Variants in TONSL observed in about 807,000 individuals in gnomAD.
The protein encoded by TONSL is tonsoku-like protein.
TONSL carries 112 observed loss-of-function variants against 147.1 expected under a neutral mutation model. The observed-to-expected ratio is 0.76, with a 90% CI of 0.65 to 0.89. The LOEUF is 0.89. Among genes scored for constraint, TONSL ranks in the 40% least tolerant of loss-of-function variants. The probability of loss-of-function intolerance (pLI) is 0.00; values close to 1 mark genes in which losing one functional copy is unlikely to be tolerated. For synonymous variants in TONSL, 868 were observed against 801.5 expected (o/e 1.08, Z -1.40); for missense variants, 1,883 against 1,864.6 (o/e 1.01, Z -0.18).
At chr8:144,433,899 C>T in intron 21 of TONSL, 79 bp downstream of exon 21, 24 of 1,483,458 alleles carry the variant, frequency 1.6e-5, no homozygotes, top group Non-Finnish European at 2.2e-5. Flanking sequence ...CTCCCAACTA[C>T]CCTAGACCAC....
rs200119297 is a variant in TONSL, at chr8:144,441,101, C to T, written c.876G>A (p.Val292=). ...CTTCCAGCTGTTGCTGCAGCCGGAC[C>T]ACTGCCAGCACTGCCGGGAAGAGGT... ...ICQNLQHVLA[V]VRLQQQLEEA... The change falls in exon 8 of 26, where the codon GTG becomes GTA. Residue 292 remains valine, a synonymous_variant. Transcript: ENST00000409379. The T allele has an allele frequency of 6.2e-7, 1 of 1,612,716 alleles. No homozygotes were observed. Among genetic ancestry groups the T allele is most frequent in the African/African-American group, 1.3e-5 (1 of 75,050 alleles).
At chr8:144,442,922 G>T in intron 4 of TONSL, 116 bp from the exon 5 acceptor site, 1 of 1,393,112 alleles carries the variant, frequency 7.2e-7, no homozygotes, top group Non-Finnish European at 9.6e-7. Flanking sequence ...CTCCCGAGGT[G>T]GGTGCAAGTG....
chr8:144,433,958 GCTGCTCTCTGTGCCTATAC>G lies in TONSL; in HGVS notation c.3387+1_3387+19del. 1 of 1,549,146 alleles carries G rather than the reference GCTGCTCTCTGTGCCTATAC, an allele frequency of 6.5e-7. No homozygotes were observed. Among genetic ancestry groups the G allele is most frequent in the Non-Finnish European group, 8.7e-7 (1 of 1,144,952 alleles). On this transcript the variant is annotated splice_donor_variant and splice_donor_5th_base_variant and intron_variant, in intron 21 of 25. Transcript: ENST00000409379. LOFTEE classifies it high-confidence loss of function. ...CCCAACTCCCCGCTGTTGAGGGCCT[GCTGCTCTCTGTGCCTATAC>G]CTGCAAGGTGGCTTGGCCTGGGAGC...
chr8:144,436,713 A>G, intron 15 of TONSL, 32 bp from the exon 16 acceptor site: 1 of 1,611,308 alleles, frequency 6.2e-7, no homozygotes, highest in Non-Finnish European at 8.5e-7. Context: ...GGGGCACAGC[A>G]GCCCCCATAA....
chr8:144,435,183 A>G lies in TONSL; in HGVS notation c.2853-13T>C. ...GTGGGTGTCACTGCTGCAGGGACAGAGGCGCTGCTGCTGCTGCCTGCACAC... is the reference window on the plus strand; with the variant it reads ...GTGGGTGTCACTGCTGCAGGGACAGGGGCGCTGCTGCTGCTGCCTGCACAC... On this transcript the variant is annotated splice_polypyrimidine_tract_variant and intron_variant, in intron 18 of 25. Transcript: ENST00000409379. The G allele has an allele frequency of 6.6e-7, 1 of 1,508,612 alleles. No individual in the cohort carries two copies. Among genetic ancestry groups the G allele is most frequent in the South Asian group, 1.3e-5 (1 of 78,748 alleles). 93.5% of individuals were successfully genotyped at this position (1,508,612 alleles called of 1,614,324 possible). A position where few individuals can be genotyped will look rare whatever the true frequency, so the allele number is the denominator to read the frequency against.
rs1823328629 is a variant in TONSL at position 144,433,961 on chromosome 8, GCT to G, written c.3387+15_3387+16del. ...AACTCCCCGCTGTTGAGGGCCTGCT[GCT>G]CTCTGTGCCTATACCTGCAAGGTGG... is the stretch of plus-strand genomic sequence containing the variant. On this transcript the variant is annotated intron_variant, in intron 21 of 25. Transcript: ENST00000409379. 1 of 1,551,652 alleles carries G rather than the reference GCT, an allele frequency of 6.4e-7. No individual in the cohort carries two copies. The highest frequency in any genetic ancestry group is 1.4e-5 in the African/African-American group (1 of 73,280).
chr8:144,440,623 C>T (rs895416528), intron 9 of TONSL, 95 bp downstream of exon 9: 5 of 1,535,632 alleles, frequency 3.3e-6, no homozygotes, highest in Non-Finnish European at 4.4e-6. Flanking sequence ...GCTGCCCGTC[C>T]AGTAAGGACA....
chr8:144,444,287 AGAG>A lies in TONSL; in HGVS notation c.26-15_26-13del, dbSNP rs1389587339. The A allele has an allele frequency of 1.4e-6, 2 of 1,402,624 alleles. No individual in the cohort carries two copies. The highest frequency in any genetic ancestry group is 2.9e-5 in the Admixed American group (1 of 34,946). 86.9% of individuals were successfully genotyped at this position (1,402,624 alleles called of 1,614,324 possible). A position where few individuals can be genotyped will look rare whatever the true frequency, so the allele number is the denominator to read the frequency against. ...CGCCTTGCTCAGCTCTGTGGGAGGA[AGAG>A]GAGGGCTGGGCCTCCGCGGCGGGGT... On this transcript the variant is annotated splice_polypyrimidine_tract_variant and intron_variant, in intron 1 of 25. Transcript: ENST00000409379.
At position 144,436,881 on chromosome 8, in the gene TONSL, T is replaced by G; in HGVS notation, c.1766A>C (p.Asp589Ala). The G allele has an allele frequency of 6.2e-7, 1 of 1,609,352 alleles. No homozygotes were observed. The highest frequency in any genetic ancestry group is 8.5e-7 in the Non-Finnish European group (1 of 1,179,632). The part of the protein sequence containing the change: ...RFLLDHGAAV[D>A]DPGGQGCEGI... Reference sequence around the variant, plus strand: ...TTCGCAGCCCTGGCCACCTGGGTCGTCCACTGCGGCCCCGTGGTCCAGCAG... The same window carrying G: ...TTCGCAGCCCTGGCCACCTGGGTCGGCCACTGCGGCCCCGTGGTCCAGCAG... The change falls in exon 15 of 26, where the codon GAC becomes GCC. Residue 589 changes from aspartate (D) to alanine (A), a missense_variant. Physicochemically the swap from Asp to Ala is moderately radical, Grantham distance 126 (BLOSUM62 -2). Transcript: ENST00000409379.
At chr8:144,444,143 C>G in intron 2 of TONSL, 37 bp downstream of exon 2, 3 of 1,372,460 alleles carry the variant, frequency 2.2e-6, no homozygotes, top group Non-Finnish European at 2.8e-6. Flanking sequence ...GGCCCGGGCC[C>G]CGGCCCTGCC....
Position 144,437,081 on chromosome 8 carries a change from G to A in TONSL, c.1672C>T (p.Arg558Trp), listed in dbSNP as rs200628944. The A allele has an allele frequency of 3.7e-5, 59 of 1,613,094 alleles. No homozygotes were observed. The highest frequency in any genetic ancestry group is 3.3e-4 in the East Asian group (15 of 44,874). ...AGAGGTGTCCAGCCACAGTAGTCCC[G>A]AGGGTTAAGGGGGTGGCCCTGTGAC... The part of the protein sequence containing the change: ...LVRQGHPLNP[R>W]DYCGWTPLHE... The change falls in exon 14 of 26, where the codon CGG becomes TGG. Residue 558 changes from arginine (R) to tryptophan (W), a missense_variant. Arg to Trp is a moderately radical substitution (Grantham distance 101, BLOSUM62 -3). Transcript: ENST00000409379.
rs1823246457 is a variant in TONSL at position 144,432,434 on chromosome 8, G to A, written c.3586C>T (p.Leu1196=). The change falls in exon 23 of 26, where the codon CTG becomes TTG. Residue 1196 remains leucine (L), a synonymous_variant. Transcript: ENST00000409379. ...GGGGCTCCCAGGGCGTTGTAGGACAGGGACAGGGTCTTCAGGTGCTCAGCA... is the reference window on the plus strand; with the variant it reads ...GGGGCTCCCAGGGCGTTGTAGGACAAGGACAGGGTCTTCAGGTGCTCAGCA... ...QDAEHLKTLS[L]SYNALGAPAL... is the part of the protein sequence containing the mutation. The A allele has an allele frequency of 1.9e-6, 3 of 1,575,222 alleles. No individual in the cohort carries two copies. The Admixed American group carries it at 5.6e-5, about 30-fold the overall frequency.
In TONSL at chr8:144,442,164, G is replaced by A; in HGVS notation, c.751-13C>T. 6.2e-7 allele frequency: 1 copy of A among 1,606,202 alleles called. No individual in the cohort carries two copies. The highest frequency in any genetic ancestry group is 8.5e-7 in the Non-Finnish European group (1 of 1,175,926). ...GGTCTTGGAGGACCTGGAGAGCAAA[G>A]GACAGCAAAGGTTTTGCAGAATCCC... is the stretch of plus-strand genomic sequence containing the variant. On this transcript the variant is annotated splice_polypyrimidine_tract_variant and intron_variant, in intron 6 of 25. Coordinates refer to ENST00000409379, the MANE Select transcript of TONSL (RefSeq NM_013432.5).
chr8:144,430,795 T>C (rs1028172513), intron 24 of TONSL, among the ~76,000 whole-genome samples: 9 of 152,134 alleles, frequency 5.9e-5, no homozygotes, highest in Admixed American at 5.2e-4. Context: ...TGACTGAGGC[T>C]CCAGGTCATA....
chr8:144,444,152 C>T, intron 2 of TONSL, 28 bp downstream of exon 2: 2 of 1,404,754 alleles, frequency 1.4e-6, no homozygotes, highest in East Asian at 6.2e-5. Flanking sequence ...CCCGGCCCTG[C>T]CTCCCGCCTC....
chr8:144,436,073 G>A lies in TONSL; in HGVS notation c.2360C>T (p.Thr787Ile). ...ASNREAATAS[T>I]SRAAYQAAIR... ...GGCTGCCTGGTAGGCTGCCCGGCTG[G>A]TGCTGGCTGTGGCTGCTTCCCTGTT... is the stretch of plus-strand genomic sequence containing the variant. Residue 787 changes from threonine (T) to isoleucine (I), a missense_variant, in exon 17 of 26, where the codon ACC becomes ATC. By Grantham distance (89) the Thr-to-Ile change is moderately conservative. Coordinates refer to ENST00000409379, the MANE Select transcript of TONSL (RefSeq NM_013432.5). 6.4e-7 allele frequency: 1 copy of A among 1,570,838 alleles called. No individual in the cohort carries two copies. The highest frequency in any genetic ancestry group is 8.6e-7 in the Non-Finnish European group (1 of 1,165,460).
Position 144,434,825 on chromosome 8 carries a change from T to C in TONSL, c.3071A>G (p.Gln1024Arg), listed in dbSNP as rs1823366423. Residue 1024 changes from glutamine to arginine, a missense_variant, in exon 20 of 26, where the codon CAG becomes CGG. Transcript: ENST00000409379. ...PLTDRYRRAC[Q>R]SLGQGEHQQV... ...CTGGCCCTCACCTTGCCCCAGGCTC[T>C]GGCAGGCCCTGCGGTAGCGGTCAGT... 1.2e-6 allele frequency: 2 copies of C among 1,613,498 alleles called. No homozygotes were observed. The highest frequency in any genetic ancestry group is 1.7e-6 in the Non-Finnish European group (2 of 1,179,926).
chr8:144,437,009 C>T lies in TONSL; in HGVS notation c.1726+18G>A, dbSNP rs763505153. The T allele has an allele frequency of 6.8e-6, 11 of 1,613,018 alleles. No homozygotes were observed. In the Admixed American group the frequency reaches 1.3e-4, roughly 20 times the overall value. ...GTGTCCACCAAGGTGCGCCAGGCTC[C>T]TTCTGTCCCTTGCTCACCTAGATGC... is the stretch of plus-strand genomic sequence containing the variant. On this transcript the variant is annotated intron_variant, in intron 14 of 25. Coordinates refer to ENST00000409379, the MANE Select transcript of TONSL (RefSeq NM_013432.5).
chr8:144,442,687 A>C lies in TONSL; in HGVS notation c.568T>G (p.Phe190Val). The change falls in exon 5 of 26, where the codon TTC becomes GTC. Residue 190 changes from phenylalanine (F) to valine (V), a missense_variant. By Grantham distance (50) the Phe-to-Val change is conservative. Transcript: ENST00000409379. ...GGGGCAGGGCCTTACTCCGCAAGGAAGATGCTCTTCCTGAAGTAATCGTTG... is the reference window on the plus strand; with the variant it reads ...GGGGCAGGGCCTTACTCCGCAAGGACGATGCTCTTCCTGAAGTAATCGTTG... ...LCNDYFRKSI[F>V]LAEQNHLYED... 1 of 1,612,768 alleles carries C rather than the reference A, an allele frequency of 6.2e-7. No homozygotes were observed. Among genetic ancestry groups the C allele is most frequent in the Non-Finnish European group, 8.5e-7 (1 of 1,179,834 alleles).
Sources: allele counts gnomAD v4.1 joint callset (sites outside exome capture counted in the v4.1 genomes callset), GRCh38; gene constraint gnomAD v4.1.1; transcripts MANE v1.5; gene names NCBI Gene and HGNC (gene_info 2026-07-23, HGNC 2026-07-21).